The following UTP6 variants were observed in gnomAD, a reference collection of about 807,000 sequenced individuals.
UTP6 encodes UTP6 small subunit processome component.
In UTP6, 60 loss-of-function variants were observed where a neutral mutation model predicts 96.5. The observed-to-expected ratio is 0.62, with a 90% CI of 0.51 to 0.77. The LOEUF is 0.77. Among genes scored for constraint, UTP6 ranks in the 30% least tolerant of loss-of-function variants. UTP6 has a pLI of 0.00. For missense variants in UTP6, 637 were observed against 706.5 expected (o/e 0.90, Z 1.12); for synonymous variants, 215 against 240.1 (o/e 0.90, Z 0.96).
chr17:31,865,555 T>C, intron 17 of UTP6, 117 bp from the exon 18 acceptor site: 1 of 962,686 alleles, frequency 1.0e-6, no homozygotes, highest in South Asian at 1.5e-5. Context: ...GAGTTTAACA[T>C]GAACACAACT....
chr17:31,899,645 C>T lies in UTP6; in HGVS notation c.177+1G>A. On this transcript the variant is annotated splice_donor_variant, in intron 2 of 18. Transcript: ENST00000261708. LOFTEE classifies it high-confidence loss of function. ...AAAGAAATTATTAATTACACACTTA[C>T]TTGAACATAATTGATAAAGTCTTCC... 6.3e-7 allele frequency: 1 copy of T among 1,581,232 alleles called. No homozygotes were observed. The highest frequency in any genetic ancestry group is 8.6e-7 in the Non-Finnish European group (1 of 1,167,824).
intron 16 of UTP6, among the ~76,000 whole-genome samples, chr17:31,870,367 A>G (rs1439155207): frequency 6.6e-6 from 1 of 152,090 alleles, no homozygotes; most frequent in East Asian, 1.9e-4. Context: ...CTGACTAGTG[A>G]GATGGTATCT....
intron 11 of UTP6, 69 bp downstream of exon 11, chr17:31,880,504 C>A (rs1319438732): frequency 2.6e-5 from 41 of 1,594,982 alleles, no homozygotes; most frequent in Non-Finnish European, 3.4e-5. Flanking sequence ...GCAATGGGAA[C>A]AGGAGCTTAA....
chr17:31,892,182 A>C (rs1904359837), intron 6 of UTP6, 78 bp downstream of exon 6: 5 of 1,485,150 alleles, frequency 3.4e-6, no homozygotes, highest in Non-Finnish European at 4.7e-6. Flanking sequence ...TTTCTCTTAG[A>C]TTCATCAATC....
At chr17:31,875,476 TAAAC>T in intron 13 of UTP6, 63 bp from the exon 14 acceptor site, 1 of 1,558,770 alleles carries the variant, frequency 6.4e-7, no homozygotes, top group Non-Finnish European at 8.7e-7. Context: ...TATGTAAATG[TAAAC>T]CTATGCCTCA....
chr17:31,895,248 A>G (rs375763058), intron 2 of UTP6, among the ~76,000 whole-genome samples: 3 of 152,346 alleles, frequency 2.0e-5, no homozygotes, highest in East Asian at 1.9e-4. Flanking sequence ...ATTCCATGAA[A>G]TATTTCAAGC....
rs142824675 is a variant in UTP6, at chr17:31,901,690, C to A, written c.-63G>T. 20 of 1,543,184 alleles carry A rather than the reference C, an allele frequency of 1.3e-5. No individual in the cohort carries two copies. Among genetic ancestry groups the A allele is most frequent in the East Asian group, 2.2e-5 (1 of 44,492 alleles). ...ACAGCGAACACGAGCAGGAAGCTCC[C>A]GGTTTCAGGTTCGGAGACCCAGCCC... On this transcript the variant is annotated 5_prime_UTR_variant, in exon 1 of 19. Coordinates refer to ENST00000261708, the MANE Select transcript of UTP6 (RefSeq NM_018428.3).
chr17:31,888,653 C>G (rs542091482), intron 7 of UTP6, among the ~76,000 whole-genome samples: 44 of 152,196 alleles, frequency 2.9e-4, no homozygotes, highest in African/African-American at 9.1e-4. Context: ...CAAGACCGGG[C>G]CACTACACTC....
chr17:31,894,898 C>T, intron 3 of UTP6, 72 bp downstream of exon 3: 2 of 1,390,484 alleles, frequency 1.4e-6, no homozygotes, highest in Non-Finnish European at 2.0e-6. Context: ...CTCCCAAACA[C>T]AAGTCCTAAC....
chr17:31,893,302 T>C (rs929803155), intron 4 of UTP6, among the ~76,000 whole-genome samples: 1 of 151,934 alleles, frequency 6.6e-6, no homozygotes, highest in Non-Finnish European at 1.5e-5. Flanking sequence ...GGTATGTGCC[T>C]GTAATCCCAG....
intron 2 of UTP6, 127 bp downstream of exon 2, chr17:31,899,519 G>C (rs1904842699): frequency 1.8e-6 from 1 of 549,724 alleles, no homozygotes; most frequent in Non-Finnish European, 2.9e-6. Flanking sequence ...CTGGAGGGCA[G>C]AGGTTGCAGT....
chr17:31,889,389 C>T lies in UTP6; in HGVS notation c.439G>A (p.Ala147Thr), dbSNP rs1911334190. The T allele has an allele frequency of 6.2e-7, 1 of 1,613,004 alleles. No homozygotes were observed. The highest frequency in any genetic ancestry group is 8.5e-7 in the Non-Finnish European group (1 of 1,179,408). The stretch of plus-strand genomic sequence containing the variant: ...CGATCTTCCATTTCCCATTTGGCTG[C>T]CATAATCCACAAAGCTGTAAGTGAA... ...HSNKPALWIM[A>T]AKWEMEDRLS... The change falls in exon 7 of 19, where the codon GCA becomes ACA. Residue 147 changes from alanine to threonine, a missense_variant. Ala to Thr is a moderately conservative substitution (Grantham distance 58). Transcript: ENST00000261708.
intron 16 of UTP6, 130 bp from the exon 17 acceptor site, chr17:31,868,242 A>G: frequency 1.4e-6 from 1 of 721,288 alleles, no homozygotes; most frequent in East Asian, 3.2e-5. Flanking sequence ...AATCAATGCA[A>G]GGACTTGACC....
chr17:31,887,430 C>G, intron 7 of UTP6, 117 bp from the exon 8 acceptor site: 2 of 754,322 alleles, frequency 2.7e-6, no homozygotes, highest in East Asian at 2.7e-5. Flanking sequence ...TCATTTCGGC[C>G]ATGAATTCCT....
rs1567789943 is a variant in UTP6 at position 31,889,342 on chromosome 17, C to T, written c.486G>A (p.Arg162=). ...AGCGCAGTGCGCGAAGAAATAGTTG[C>T]CTTGCGCTTTCTGAAGACAATCGAT... ...MEDRLSSESA[R]QLFLRALRFH... is the part of the protein sequence containing the mutation. The change falls in exon 7 of 19, where the codon AGG becomes AGA. Residue 162 remains arginine, a synonymous_variant. Transcript: ENST00000261708. 1 of 1,613,934 alleles carries T rather than the reference C, an allele frequency of 6.2e-7. No individual in the cohort carries two copies. Among genetic ancestry groups the T allele is most frequent in the East Asian group, 2.2e-5 (1 of 44,872 alleles).
chr17:31,874,258 C>G (rs1341322587), intron 14 of UTP6: 3 of 150,632 alleles, frequency 2.0e-5, no homozygotes, highest in African/African-American at 7.4e-5. Flanking sequence ...TACAAATGAG[C>G]AGCAAAAGCG....
At position 31,862,145 on chromosome 17, in the gene UTP6, T is replaced by C. The variant is rs1909582097; in HGVS notation, c.*1214A>G. ...CCCCGCACTACTAAAAATACAAAAA[T>C]TGGCTGGGCGCGGTGGCGGGTGCCT... On this transcript the variant is annotated 3_prime_UTR_variant, in exon 19 of 19. Transcript: ENST00000261708. 6.6e-6 allele frequency: 1 copy of C among 152,082 alleles called. No individual in the cohort carries two copies. The highest frequency in any genetic ancestry group is 1.9e-4 in the East Asian group (1 of 5,184). The allele number at this position is 152,082 out of a possible 1,614,324, so 9.4% of individuals were successfully genotyped here. A position where few individuals can be genotyped will look rare whatever the true frequency, so the allele number is the denominator to read the frequency against.
intron 7 of UTP6, chr17:31,888,223 G>C (rs1487165606): frequency 6.6e-6 from 1 of 151,910 alleles, no homozygotes; most frequent in African/African-American, 2.4e-5. Context: ...AAAGAAGCCA[G>C]AAGAGGGCTT....
At chr17:31,887,983 A>C (rs989486805) in intron 7 of UTP6, 1 of 151,006 alleles carries the variant, frequency 6.6e-6, no homozygotes, top group Non-Finnish European at 1.5e-5. Context: ...AAAAAAAAAA[A>C]AGAATTAAAT....
Sources: allele counts gnomAD v4.1 joint callset (sites outside exome capture counted in the v4.1 genomes callset), GRCh38; gene constraint gnomAD v4.1.1; transcripts MANE v1.5; gene names NCBI Gene and HGNC (gene_info 2026-07-23, HGNC 2026-07-21).